The following PCDH11X variants were observed in gnomAD, a reference collection of about 807,000 sequenced individuals.
The protein encoded by PCDH11X is protocadherin-11 X-linked.
A neutral mutation model predicts 53.3 loss-of-function variants in PCDH11X; 18 were observed. The ratio of observed to expected loss-of-function variants is 0.34; its 90% confidence interval spans 0.23 to 0.50. The LOEUF is 0.50. Ranked by LOEUF, PCDH11X falls within the 20% of genes least tolerant of loss-of-function variation. The pLI is 0.98. For synonymous variants in PCDH11X, 279 were observed against 393.3 expected (o/e 0.71, Z 3.44); for missense variants, 570 against 1,032.4 (o/e 0.55, Z 6.14).
chrX:91,973,992 T>G (rs1460882268), intron 6 of PCDH11X, among the ~76,000 whole-genome samples: 1 of 111,073 alleles, frequency 9.0e-6, no homozygotes, highest in Non-Finnish European at 1.9e-5. Context: ...GCAAAACCTT[T>G]ATATTGGGTT....
intron 10 of PCDH11X, among the ~76,000 whole-genome samples, chrX:92,540,698 G>A (rs35164812): frequency 9.4e-6 from 1 of 106,742 alleles, no homozygotes; most frequent in Non-Finnish European, 1.9e-5. Flanking sequence ...CTCAGAGCCC[G>A]AGGCCCATGG....
intron 6 of PCDH11X, among the ~76,000 whole-genome samples, chrX:91,967,182 C>G (rs140381440): frequency 2.1e-3 from 234 of 110,524 alleles, no homozygotes; most frequent in African/African-American, 7.5e-3. Context: ...ATTCTTTTCT[C>G]CCCTTTTTTT....
At chrX:91,792,872 T>A (rs1300804223) in intron 1 of PCDH11X, among the ~76,000 whole-genome samples, 2 of 110,175 alleles carry the variant, frequency 1.8e-5, no homozygotes, top group African/African-American at 6.6e-5. Context: ...GTTTTCCCAT[T>A]AATAGATCAC....
intron 6 of PCDH11X, among the ~76,000 whole-genome samples, chrX:91,974,912 C>T (rs1210395166): frequency 1.8e-5 from 2 of 110,028 alleles, no homozygotes; most frequent in Non-Finnish European, 3.8e-5. Context: ...GCCACCATGC[C>T]CGGCTAATTT....
At chrX:92,126,808 A>T (rs2064874592) in intron 6 of PCDH11X, among the ~76,000 whole-genome samples, 1 of 105,118 alleles carries the variant, frequency 9.5e-6, no homozygotes, top group Non-Finnish European at 1.9e-5. Flanking sequence ...AATATAATTG[A>T]TGTTCTCAGA....
chrX:92,100,413 G>A (rs954579541), intron 6 of PCDH11X, among the ~76,000 whole-genome samples: 2 of 109,054 alleles, frequency 1.8e-5, no homozygotes, highest in Non-Finnish European at 3.8e-5. Context: ...GTCAAAGGGG[G>A]TTTGTTCTCT....
intron 9 of PCDH11X, among the ~76,000 whole-genome samples, chrX:92,450,064 T>A (rs1327873060): frequency 9.0e-6 from 1 of 111,454 alleles, no homozygotes; most frequent in African/African-American, 3.3e-5. Context: ...AATTACATTG[T>A]ATCCATCTCA....
chrX:92,331,890 A>G (rs770750809), intron 8 of PCDH11X, among the ~76,000 whole-genome samples: 2 of 111,689 alleles, frequency 1.8e-5, no homozygotes, highest in Admixed American at 1.9e-4. Flanking sequence ...TTGCACTGTT[A>G]CATCATTACA....
At chrX:91,930,940 C>T (rs1942112880) in intron 6 of PCDH11X, among the ~76,000 whole-genome samples, 1 of 108,574 alleles carries the variant, frequency 9.2e-6, no homozygotes, top group African/African-American at 3.3e-5. Flanking sequence ...ATTCTGTAGC[C>T]ACTCCTATGG....
At chrX:92,323,660 T>G (rs1182990812) in intron 8 of PCDH11X, among the ~76,000 whole-genome samples, 1 of 111,119 alleles carries the variant, frequency 9.0e-6, no homozygotes, top group Non-Finnish European at 1.9e-5. Context: ...GCCATGCTGG[T>G]GTGCTGCACC....
intron 6 of PCDH11X, among the ~76,000 whole-genome samples, chrX:92,126,239 C>T (rs1221848733): frequency 2.7e-5 from 3 of 111,769 alleles, no homozygotes; most frequent in African/African-American, 9.8e-5. Flanking sequence ...GCTTTCTAAG[C>T]ACATATGCAT....
At chrX:91,887,964 A>G (rs1472700582) in intron 6 of PCDH11X, among the ~76,000 whole-genome samples, 5 of 111,690 alleles carry the variant, frequency 4.5e-5, no homozygotes, top group Non-Finnish European at 9.4e-5. Context: ...AATACCATCT[A>G]ATATTTTCCA....
rs193092463 is a variant in PCDH11X at position 91,805,695 on chromosome X, G to A, written c.-378-3771G>A. Reference sequence around the variant, plus strand: ...TTAAATTAGCTCCTCACAGTGACACGTGCACCTATAATTCCAGCTACAGGG... The same window carrying A: ...TTAAATTAGCTCCTCACAGTGACACATGCACCTATAATTCCAGCTACAGGG... On this transcript the variant is annotated intron_variant, in intron 1 of 10. Transcript: ENST00000682573. 2.2e-3 allele frequency among the ~76,000 whole-genome samples: 238 copies of A among 107,137 alleles called. 2 individuals are homozygous for A. Among genetic ancestry groups the A allele is most frequent in the African/African-American group, 8.0e-3 (231 of 28,928 alleles). The allele number at this position is 107,137 out of a possible 115,157, so 93.0% of individuals were successfully genotyped here. A position where few individuals can be genotyped will look rare whatever the true frequency, so the allele number is the denominator to read the frequency against.
intron 6 of PCDH11X, among the ~76,000 whole-genome samples, chrX:92,139,676 A>G (rs780824531): frequency 8.9e-6 from 1 of 111,808 alleles, no homozygotes; most frequent in Non-Finnish European, 1.9e-5. Flanking sequence ...AAGAAACTTT[A>G]TCAGAAAGAT....
chrX:92,105,043 G>A (rs1389203643), intron 6 of PCDH11X, among the ~76,000 whole-genome samples: 5 of 103,003 alleles, frequency 4.9e-5, no homozygotes, highest in East Asian at 3.8e-4. Flanking sequence ...TCCTTGAAAC[G>A]TGAGTGTATA....
intron 6 of PCDH11X, among the ~76,000 whole-genome samples, chrX:91,901,831 T>C (rs1279925561): frequency 1.8e-5 from 2 of 111,884 alleles, no homozygotes; most frequent in African/African-American, 6.5e-5. Context: ...CATACATTCA[T>C]GAAAATAAAT....
intron 6 of PCDH11X, among the ~76,000 whole-genome samples, chrX:92,088,008 A>G (rs2063988356): frequency 9.4e-6 from 1 of 106,331 alleles, no homozygotes; most frequent in Non-Finnish European, 1.9e-5. Flanking sequence ...ATTTAACTGC[A>G]TATAAGGCCT....
intron 6 of PCDH11X, among the ~76,000 whole-genome samples, chrX:92,109,187 G>A (rs2064449027): frequency 9.0e-6 from 1 of 111,015 alleles, no homozygotes; most frequent in African/African-American, 3.3e-5. Flanking sequence ...CCTGGCTAAC[G>A]TGGTGAAACC....
chrX:92,093,776 A>T (rs754377844), intron 6 of PCDH11X, among the ~76,000 whole-genome samples: 2 of 110,995 alleles, frequency 1.8e-5, no homozygotes, highest in African/African-American at 6.5e-5. Flanking sequence ...GAAAAGAGGC[A>T]TAGAACATGC....
Sources: gnomAD v4.1 joint callset for allele counts (sites outside exome capture counted in the v4.1 genomes callset) on GRCh38, gnomAD v4.1.1 for gene constraint, MANE v1.5 for transcripts, NCBI Gene and HGNC (gene_info 2026-07-23, HGNC 2026-07-21) for gene names.